HEMK2: variants seen among roughly 807,000 people sequenced by gnomAD.
HEMK2 encodes the protein methyltransferase HEMK2.
At chr21:28,831,634 G>A in the HEMK2 span, among the ~76,000 whole-genome samples, 119 of 36,376 alleles carry the variant, frequency 3.3e-3, 4 homozygotes, top group East Asian at 8.3e-3. Flanking sequence ...AAAGAAGGAA[G>A]GAAAGAAAGA....
the HEMK2 span, among the ~76,000 whole-genome samples, chr21:28,810,193 A>G: frequency 9.2e-5 from 14 of 152,250 alleles, no homozygotes; most frequent in Admixed American, 2.6e-4. Context: ...GGTCCCCCCA[A>G]TAGGACACAA....
chr21:28,657,696 A>G, the HEMK2 span, among the ~76,000 whole-genome samples: 1 of 152,070 alleles, frequency 6.6e-6, no homozygotes, highest in Non-Finnish European at 1.5e-5. Flanking sequence ...AAATGTTTGT[A>G]CTTCAACTCA....
At chr21:28,684,850 G>A in the HEMK2 span, among the ~76,000 whole-genome samples, 124 of 152,194 alleles carry the variant, frequency 8.1e-4, 1 homozygote, top group Non-Finnish European at 1.4e-3. Flanking sequence ...ACAAGGAATG[G>A]TTATGCACAC....
At chr21:28,841,765 T>C in the HEMK2 span, among the ~76,000 whole-genome samples, 2 of 151,642 alleles carry the variant, frequency 1.3e-5, no homozygotes, top group African/African-American at 4.8e-5. Context: ...ACTAAAGAAC[T>C]TACTCATGTA....
the HEMK2 span, among the ~76,000 whole-genome samples, chr21:28,775,521 C>T: frequency 1.3e-5 from 2 of 152,056 alleles, no homozygotes; most frequent in African/African-American, 4.8e-5. Context: ...TAGCCATAGC[C>T]ATGAATGATA....
the HEMK2 span, among the ~76,000 whole-genome samples, chr21:28,656,611 T>C: frequency 6.6e-6 from 1 of 152,024 alleles, no homozygotes; most frequent in Non-Finnish European, 1.5e-5. Context: ...AAACCATCTT[T>C]AATTTCCAAA....
At chr21:28,742,895 G>C in the HEMK2 span, among the ~76,000 whole-genome samples, 1 of 152,114 alleles carries the variant, frequency 6.6e-6, no homozygotes, top group Non-Finnish European at 1.5e-5. Context: ...TTTCTCTGTG[G>C]TCACGGTCTT....
At chr21:28,682,669 T>C in the HEMK2 span, among the ~76,000 whole-genome samples, 1 of 152,150 alleles carries the variant, frequency 6.6e-6, no homozygotes, top group Admixed American at 6.5e-5. Context: ...CCAACAATGA[T>C]AGACTGGATT....
At chr21:28,833,795 C>G in the HEMK2 span, among the ~76,000 whole-genome samples, 4 of 152,138 alleles carry the variant, frequency 2.6e-5, no homozygotes, top group Admixed American at 6.5e-5. Flanking sequence ...CAGTGAGTCA[C>G]TAAATTTTTT....
chr21:28,714,058 G>T, the HEMK2 span, among the ~76,000 whole-genome samples: 1 of 152,160 alleles, frequency 6.6e-6, no homozygotes, highest in Non-Finnish European at 1.5e-5. Flanking sequence ...AGAATAATAG[G>T]TAACAGTTAT....
At chr21:28,838,976 T>A in the HEMK2 span, among the ~76,000 whole-genome samples, 2,963 of 28,958 alleles carry the variant, frequency 0.1, 155 homozygotes, top group Non-Finnish European at 0.12. Context: ...AAAAAAAATA[T>A]ATATATATAT....
chr21:28,790,284 C>A, the HEMK2 span, among the ~76,000 whole-genome samples: 4 of 152,134 alleles, frequency 2.6e-5, no homozygotes, highest in Admixed American at 6.5e-5. Flanking sequence ...TCAACCCACT[C>A]TCCCAGTTGT....
At chr21:28,588,846 T>G in the HEMK2 span, among the ~76,000 whole-genome samples, 4 of 151,652 alleles carry the variant, frequency 2.6e-5, no homozygotes, top group Non-Finnish European at 2.9e-5. Context: ...AGCCGGGCGT[T>G]GTGGTGGGCA....
the HEMK2 span, among the ~76,000 whole-genome samples, chr21:28,754,617 A>C: frequency 6.6e-6 from 1 of 152,256 alleles, no homozygotes; most frequent in Non-Finnish European, 1.5e-5. Context: ...GTAACCCTTC[A>C]GCTTAAATTC....
the HEMK2 span, among the ~76,000 whole-genome samples, chr21:28,619,069 G>A: frequency 1.3e-5 from 2 of 152,158 alleles, no homozygotes; most frequent in African/African-American, 2.4e-5. Context: ...TTTAGACACT[G>A]ACATGTACAG....
chr21:28,776,267 C>T, the HEMK2 span, among the ~76,000 whole-genome samples: 3 of 152,168 alleles, frequency 2.0e-5, no homozygotes, highest in Admixed American at 6.5e-5. Flanking sequence ...TCTCTTGTGC[C>T]TTCTATAGGC....
At chr21:28,862,756 T>C in the HEMK2 span, among the ~76,000 whole-genome samples, 1 of 152,226 alleles carries the variant, frequency 6.6e-6, no homozygotes, top group Non-Finnish European at 1.5e-5. Flanking sequence ...AAAAACATGT[T>C]TTTGCATGCA....
chr21:28,617,081 G>T, the HEMK2 span, among the ~76,000 whole-genome samples: 3 of 152,322 alleles, frequency 2.0e-5, no homozygotes, highest in South Asian at 6.2e-4. Flanking sequence ...AGACATAGAA[G>T]CCAGACAGTG....
chr21:28,778,793 T>C, the HEMK2 span, among the ~76,000 whole-genome samples: 1 of 152,200 alleles, frequency 6.6e-6, no homozygotes, highest in Non-Finnish European at 1.5e-5. Flanking sequence ...TCTTCATATA[T>C]TGGGGGTTTA....
Sources: gnomAD v4.1 joint callset for allele counts (sites outside exome capture counted in the v4.1 genomes callset) on GRCh38, gnomAD v4.1.1 for gene constraint, MANE v1.5 for transcripts, NCBI Gene and HGNC (gene_info 2026-07-23, HGNC 2026-07-21) for gene names.